The following EFCAB5 variants were observed in gnomAD, a reference collection of about 807,000 sequenced individuals.
EFCAB5 encodes EF-hand calcium binding domain 5, also known as EF-hand calcium-binding domain-containing protein 5.
A neutral mutation model predicts 167.9 loss-of-function variants in EFCAB5; 131 were observed. That is an observed-to-expected ratio of 0.78 (90% confidence interval 0.68 to 0.90). The LOEUF is 0.90. Ranked by LOEUF, EFCAB5 falls within the 40% of genes least tolerant of loss-of-function variation. The probability of loss-of-function intolerance (pLI) is 0.00; values close to 1 mark genes in which losing one functional copy is unlikely to be tolerated. For synonymous variants in EFCAB5, 574 were observed against 602.8 expected (o/e 0.95, Z 0.70); for missense variants, 1,663 against 1,745.2 (o/e 0.95, Z 0.84).
chr17:30,011,729 A>T (rs995956669), intron 7 of EFCAB5, among the ~76,000 whole-genome samples: 1 of 152,144 alleles, frequency 6.6e-6, no homozygotes, highest in African/African-American at 2.4e-5. Flanking sequence ...GGTTTTCTAA[A>T]TATACAATCG....
chr17:30,023,469 A>C (rs1469321950), intron 7 of EFCAB5, among the ~76,000 whole-genome samples: 3 of 152,196 alleles, frequency 2.0e-5, no homozygotes, highest in Non-Finnish European at 4.4e-5. Flanking sequence ...CACTCTCCCA[A>C]GACTAAACCA....
intron 18 of EFCAB5, 139 bp downstream of exon 18, chr17:30,083,182 G>A (rs2071024205): frequency 8.2e-7 from 1 of 1,226,340 alleles, no homozygotes; most frequent in African/African-American, 1.6e-5. Context: ...ACCCTTGGTT[G>A]TGAGTGACAG....
At chr17:29,971,860 T>C (rs2067961320) in intron 4 of EFCAB5, among the ~76,000 whole-genome samples, 1 of 152,204 alleles carries the variant, frequency 6.6e-6, no homozygotes, top group African/African-American at 2.4e-5. Flanking sequence ...TGGCAGCAAA[T>C]GAAAAATGTT....
At chr17:30,016,396 G>A (rs1567716355) in intron 7 of EFCAB5, among the ~76,000 whole-genome samples, 1 of 152,078 alleles carries the variant, frequency 6.6e-6, no homozygotes, top group East Asian at 1.9e-4. Context: ...GTCTGTTTAA[G>A]TCTTTGATCC....
chr17:29,997,256 A>G (rs117705324), intron 6 of EFCAB5, among the ~76,000 whole-genome samples: 6,741 of 151,852 alleles, frequency 0.044, 168 homozygotes, highest in Non-Finnish European at 0.053. Flanking sequence ...AAAAAAAAAA[A>G]AAGAAAGAAA....
chr17:29,989,341 CT>C (rs1204599490), intron 4 of EFCAB5, among the ~76,000 whole-genome samples: 7 of 152,180 alleles, frequency 4.6e-5, no homozygotes, highest in Non-Finnish European at 8.8e-5. Flanking sequence ...TAATGTAACA[CT>C]GTGAAAATTT....
intron 8 of EFCAB5, among the ~76,000 whole-genome samples, chr17:30,045,251 G>A (rs1224494283): frequency 6.6e-6 from 1 of 152,034 alleles, no homozygotes; most frequent in Non-Finnish European, 1.5e-5. Flanking sequence ...GAGCTTAGGA[G>A]TTCAAGACCA....
At chr17:30,060,858 G>T (rs1163412961) in intron 14 of EFCAB5, among the ~76,000 whole-genome samples, 1 of 152,080 alleles carries the variant, frequency 6.6e-6, no homozygotes, top group African/African-American at 2.4e-5. Context: ...ATAGCAGCTG[G>T]GTTCCAATAC....
At chr17:29,999,654 G>C (rs1034151880) in intron 6 of EFCAB5, among the ~76,000 whole-genome samples, 3 of 151,828 alleles carry the variant, frequency 2.0e-5, no homozygotes, top group African/African-American at 7.3e-5. Flanking sequence ...ATTTATTTCT[G>C]CTTTATCCCA....
intron 7 of EFCAB5, among the ~76,000 whole-genome samples, chr17:30,023,635 T>G (rs1177022326): frequency 6.6e-6 from 1 of 152,058 alleles, no homozygotes; most frequent in Non-Finnish European, 1.5e-5. Flanking sequence ...CTTCTGAAAC[T>G]ATTCCAATCA....
intron 8 of EFCAB5, among the ~76,000 whole-genome samples, chr17:30,039,147 A>T (rs2069702794): frequency 1.3e-5 from 2 of 152,192 alleles, no homozygotes; most frequent in Non-Finnish European, 2.9e-5. Flanking sequence ...CACCATCCTG[A>T]GAACCACATC....
chr17:30,028,661 C>G (rs1298648546), intron 7 of EFCAB5, among the ~76,000 whole-genome samples: 1 of 152,144 alleles, frequency 6.6e-6, no homozygotes, highest in African/African-American at 2.4e-5. Context: ...TATTAGTTTG[C>G]TAGTGCTGCC....
chr17:29,975,149 G>C (rs2068039085), intron 4 of EFCAB5, among the ~76,000 whole-genome samples: 1 of 152,200 alleles, frequency 6.6e-6, no homozygotes, highest in Admixed American at 6.5e-5. Context: ...TAGCCCCCAG[G>C]TTGTAATTTG....
intron 4 of EFCAB5, among the ~76,000 whole-genome samples, chr17:29,976,161 A>G (rs1483084438): frequency 1.3e-5 from 2 of 152,162 alleles, no homozygotes. Flanking sequence ...CTTGTTACAG[A>G]TATGTAAATC....
chr17:30,092,781 G>C, intron 21 of EFCAB5, 59 bp from the exon 22 acceptor site: 1 of 1,166,742 alleles, frequency 8.6e-7, no homozygotes, highest in Non-Finnish European at 1.3e-6. Context: ...TGTTGAACTG[G>C]GCACTGTATT....
Position 30,108,063 on chromosome 17 carries a change from CTTTG to C in EFCAB5, c.*46_*49del, listed in dbSNP as rs561909107. 9.1e-4 allele frequency: 1,403 copies of C among 1,542,272 alleles called. 8 individuals are homozygous for C. The African/African-American group carries it at 0.018, about 20-fold the overall frequency. Reference sequence around the variant, plus strand: ...TGGAATTGATACTGTATTTAGGATCCTTTGTTTGTTATCAGTTTTGTTTGTTAAC... The same window carrying C: ...TGGAATTGATACTGTATTTAGGATCCTTTGTTATCAGTTTTGTTTGTTAAC... On this transcript the variant is annotated 3_prime_UTR_variant, in exon 23 of 23. Transcript: ENST00000394835.
intron 8 of EFCAB5, among the ~76,000 whole-genome samples, chr17:30,036,724 G>A (rs2069640668): frequency 6.6e-6 from 1 of 152,096 alleles, no homozygotes; most frequent in Non-Finnish European, 1.5e-5. Flanking sequence ...ACCACATCCA[G>A]CCTCGAATGT....
rs746187443 is a variant in EFCAB5, at chr17:30,057,869, G to GA, written c.2563dup (p.Met855AsnfsTer8). 3.0e-5 allele frequency: 49 copies of GA among 1,613,384 alleles called. No homozygotes were observed. Among genetic ancestry groups the GA allele is most frequent in the Non-Finnish European group, 3.5e-5 (41 of 1,179,654 alleles). ...AGGGCTATGTTGAAACAGAACAAGAGAAAATGAATGCCTTAGAACAGGTGG... is the reference window on the plus strand; with the variant it reads ...AGGGCTATGTTGAAACAGAACAAGAGAAAAATGAATGCCTTAGAACAGGTGG... On this transcript the variant is annotated frameshift_variant, in exon 13 of 23. Coordinates refer to ENST00000394835, the MANE Select transcript of EFCAB5 (RefSeq NM_198529.4). LOFTEE classifies it high-confidence loss of function.
rs150995294 is a variant in EFCAB5 at position 30,051,273 on chromosome 17, T to A, written c.1300+56T>A. On this transcript the variant is annotated intron_variant, in intron 9 of 22. Coordinates refer to ENST00000394835, the MANE Select transcript of EFCAB5 (RefSeq NM_198529.4). ...GCTGGAGTGTCGCAGTGCACTGATA[T>A]GTACTGATATGATACACTGATATGT... The A allele has an allele frequency of 1.7e-5, 24 of 1,411,062 alleles. No homozygotes were observed. The East Asian group carries it at 4.6e-4, about 27-fold the overall frequency. The allele number at this position is 1,411,062 out of a possible 1,614,324, so 87.4% of individuals were successfully genotyped here.
Sources: allele counts gnomAD v4.1 joint callset (sites outside exome capture counted in the v4.1 genomes callset), GRCh38; gene constraint gnomAD v4.1.1; transcripts MANE v1.5; gene names NCBI Gene and HGNC (gene_info 2026-07-23, HGNC 2026-07-21).